AFG2A: variants seen among roughly 807,000 people sequenced by gnomAD.
AFG2A encodes ATPase family gene 2 protein homolog A.
the AFG2A span, chr4:122,933,447 A>T: frequency 1.9e-6 from 3 of 1,612,370 alleles, no homozygotes; most frequent in Non-Finnish European, 2.5e-6. Context: ...AGTGACAAAG[A>T]TATGGAAATT....
At chr4:123,192,846 G>T in the AFG2A span, among the ~76,000 whole-genome samples, 6 of 151,986 alleles carry the variant, frequency 3.9e-5, no homozygotes, top group Non-Finnish European at 5.9e-5. Context: ...CCTTTGATTT[G>T]GTCTATCAAG....
At chr4:123,111,475 A>G in the AFG2A span, among the ~76,000 whole-genome samples, 2 of 152,204 alleles carry the variant, frequency 1.3e-5, no homozygotes, top group Non-Finnish European at 2.9e-5. Context: ...ATGGTAGCCT[A>G]TGAAAAAGAG....
At chr4:122,980,275 C>A in the AFG2A span, among the ~76,000 whole-genome samples, 10 of 152,188 alleles carry the variant, frequency 6.6e-5, no homozygotes, top group African/African-American at 1.9e-4. Flanking sequence ...TTTCAGTAGG[C>A]ATAATGTTCC....
At chr4:122,974,506 G>T in the AFG2A span, among the ~76,000 whole-genome samples, 1 of 152,180 alleles carries the variant, frequency 6.6e-6, no homozygotes, top group Non-Finnish European at 1.5e-5. Context: ...CTCAACTTAT[G>T]ATGGGGTTAT....
chr4:122,939,858 A>G, the AFG2A span, among the ~76,000 whole-genome samples: 3 of 152,166 alleles, frequency 2.0e-5, no homozygotes, highest in East Asian at 1.9e-4. Context: ...TTCAATTCCC[A>G]TCTATGAGTG....
the AFG2A span, among the ~76,000 whole-genome samples, chr4:123,157,940 G>C: frequency 3.3e-5 from 5 of 152,196 alleles, no homozygotes; most frequent in African/African-American, 1.2e-4. Context: ...TGGGTGTAAA[G>C]AGTGGCTAGG....
At chr4:123,262,931 G>T in the AFG2A span, among the ~76,000 whole-genome samples, 1 of 152,228 alleles carries the variant, frequency 6.6e-6, no homozygotes, top group African/African-American at 2.4e-5. Context: ...TCTGAGTTTT[G>T]ATGGGCAGAT....
chr4:123,107,196 T>C, the AFG2A span, among the ~76,000 whole-genome samples: 1 of 152,176 alleles, frequency 6.6e-6, no homozygotes, highest in African/African-American at 2.4e-5. Flanking sequence ...TCACCCTCAA[T>C]GTGGCAAGTC....
At chr4:123,174,798 G>A in the AFG2A span, among the ~76,000 whole-genome samples, 1 of 148,404 alleles carries the variant, frequency 6.7e-6, no homozygotes. Flanking sequence ...AAATGTAAGA[G>A]AATATTTTTC....
At chr4:122,929,182 T>G in the AFG2A span, 2 of 1,596,866 alleles carry the variant, frequency 1.3e-6, no homozygotes, top group South Asian at 2.3e-5. Flanking sequence ...GCTGAGGAAA[T>G]GGATGTGGCA....
chr4:123,232,335 G>T, the AFG2A span, among the ~76,000 whole-genome samples: 1 of 151,980 alleles, frequency 6.6e-6, no homozygotes, highest in Non-Finnish European at 1.5e-5. Context: ...AAGTAACAAT[G>T]CATGAATAGG....
chr4:122,952,762 C>T, the AFG2A span, among the ~76,000 whole-genome samples: 1 of 152,198 alleles, frequency 6.6e-6, no homozygotes, highest in Non-Finnish European at 1.5e-5. Flanking sequence ...TGGTAAAAGT[C>T]TATTGTTCTT....
chr4:123,008,360 C>G, the AFG2A span, among the ~76,000 whole-genome samples: 1 of 152,182 alleles, frequency 6.6e-6, no homozygotes, highest in African/African-American at 2.4e-5. Flanking sequence ...ACAATCCAGA[C>G]AGCTCTCACC....
At chr4:123,298,596 G>A in the AFG2A span, among the ~76,000 whole-genome samples, 16 of 152,180 alleles carry the variant, frequency 1.1e-4, no homozygotes, top group Non-Finnish European at 2.1e-4. Context: ...CTTGCTCAGA[G>A]ACATTCACAG....
chr4:123,117,989 T>C, the AFG2A span, among the ~76,000 whole-genome samples: 1 of 152,086 alleles, frequency 6.6e-6, no homozygotes, highest in Non-Finnish European at 1.5e-5. Flanking sequence ...TTGCAGTGTA[T>C]AAAATAAATT....
the AFG2A span, among the ~76,000 whole-genome samples, chr4:123,016,251 G>A: frequency 1.3e-5 from 2 of 149,502 alleles, no homozygotes; most frequent in African/African-American, 4.9e-5. Context: ...GCGGCTGGCC[G>A]GGCAGAGGGG....
At chr4:123,101,943 C>CTGTG in the AFG2A span, among the ~76,000 whole-genome samples, 1 of 151,830 alleles carries the variant, frequency 6.6e-6, no homozygotes, top group Admixed American at 6.6e-5. Flanking sequence ...CTGATGCTAG[C>CTGTG]TGTGTTATTA....
chr4:123,184,094 C>A, the AFG2A span, among the ~76,000 whole-genome samples: 1 of 152,058 alleles, frequency 6.6e-6, no homozygotes, highest in Admixed American at 6.5e-5. Flanking sequence ...CCATACCTGG[C>A]CCCGACCTGA....
chr4:122,930,953 TGTGGC>T, the AFG2A span, among the ~76,000 whole-genome samples: 108,177 of 151,912 alleles, frequency 0.71, 43,201 homozygotes, highest in East Asian at 0.95. Context: ...ATGTTTTAAA[TGTGGC>T]AGCAGAGTAT....
Sources: allele counts gnomAD v4.1 joint callset (sites outside exome capture counted in the v4.1 genomes callset), GRCh38; gene constraint gnomAD v4.1.1; transcripts MANE v1.5; gene names NCBI Gene and HGNC (gene_info 2026-07-23, HGNC 2026-07-21).